WDFY1: variants seen among roughly 807,000 people sequenced by gnomAD.
WDFY1 encodes WD repeat and FYVE domain containing 1.
A neutral mutation model predicts 56.4 loss-of-function variants in WDFY1; 32 were observed. The ratio of observed to expected loss-of-function variants is 0.57; its 90% confidence interval spans 0.43 to 0.76. The LOEUF (loss-of-function observed/expected upper bound fraction) is 0.76, where lower values mean the gene tolerates loss of function less well. Ranked by LOEUF, WDFY1 falls within the 30% of genes least tolerant of loss-of-function variation. WDFY1 has a pLI of 0.00. For missense variants in WDFY1, 480 were observed against 545.7 expected (o/e 0.88, Z 1.20); for synonymous variants, 192 against 197.3 (o/e 0.97, Z 0.23).
intron 1 of WDFY1, among the ~76,000 whole-genome samples, chr2:223,943,695 C>T (rs1382042337): frequency 6.6e-6 from 1 of 152,218 alleles, no homozygotes; most frequent in Non-Finnish European, 1.5e-5. Context: ...AAGCTACTGA[C>T]ATTGTAAACC....
intron 1 of WDFY1, among the ~76,000 whole-genome samples, chr2:223,929,419 C>T (rs1051437006): frequency 2.0e-5 from 3 of 151,894 alleles, no homozygotes; most frequent in Non-Finnish European, 4.4e-5. Flanking sequence ...AACTCCTGAC[C>T]TCAGGTGATC....
intron 4 of WDFY1, among the ~76,000 whole-genome samples, chr2:223,904,642 C>CCT (rs1225775655): frequency 1.3e-5 from 2 of 152,170 alleles, no homozygotes; most frequent in African/African-American, 4.8e-5. Context: ...TATTATTAGA[C>CCT]CACATTTCAC....
chr2:223,883,350 G>A (rs563286601), intron 9 of WDFY1, among the ~76,000 whole-genome samples: 4 of 152,178 alleles, frequency 2.6e-5, no homozygotes, highest in Non-Finnish European at 4.4e-5. Context: ...TTCTTTTACC[G>A]CCAAAAGTTT....
Position 223,878,614 on chromosome 2 carries a change from G to C in WDFY1, c.*57C>G. The C allele has an allele frequency of 2.2e-6, 3 of 1,346,190 alleles. No homozygotes were observed. Among genetic ancestry groups the C allele is most frequent in the Non-Finnish European group, 3.2e-6 (3 of 939,034 alleles). 83.4% of individuals were successfully genotyped at this position (1,346,190 alleles called of 1,614,324 possible). On this transcript the variant is annotated 3_prime_UTR_variant, in exon 12 of 12. Transcript: ENST00000233055. ...GACAGCGCTGTGGAGCTGCGTGAGA[G>C]GGACTTCATTTGGTGGAGCTGCTGT...
At chr2:223,928,380 G>C (rs1368996186) in intron 1 of WDFY1, among the ~76,000 whole-genome samples, 1 of 152,150 alleles carries the variant, frequency 6.6e-6, no homozygotes, top group African/African-American at 2.4e-5. Context: ...GCTGATAAAG[G>C]ACAGGAGAAG....
At chr2:223,882,485 TG>T (rs1417426796) in intron 9 of WDFY1, among the ~76,000 whole-genome samples, 1 of 152,176 alleles carries the variant, frequency 6.6e-6, no homozygotes, top group South Asian at 2.1e-4. Flanking sequence ...TGCCTTGAAT[TG>T]CAATCACCCC....
At position 223,894,324 on chromosome 2, in the gene WDFY1, C is replaced by T. The variant is rs367982741; in HGVS notation, c.741G>A (p.Ser247=). Residue 247 remains serine (S), a synonymous_variant, in exon 8 of 12, where the codon TCG becomes TCA. Coordinates refer to ENST00000233055, the MANE Select transcript of WDFY1 (RefSeq NM_020830.5). ...GCCTGGTGAGCTGAAGGTAGCACAG[C>T]GACTGCACCTTGTCACTGCAAACAG... ...LLQGHHDKVQ[S]LCYLQLTRQL... is the part of the protein sequence containing the mutation. 1.4e-5 allele frequency: 22 copies of T among 1,614,178 alleles called. No individual in the cohort carries two copies. The highest frequency in any genetic ancestry group is 1.8e-5 in the Non-Finnish European group (21 of 1,180,012).
intron 2 of WDFY1, 99 bp from the exon 3 acceptor site, chr2:223,912,425 G>T: frequency 1.1e-6 from 1 of 919,438 alleles, no homozygotes; most frequent in Non-Finnish European, 1.5e-6. Flanking sequence ...ATATAATTTA[G>T]GTTCACAGAA....
chr2:223,933,785 C>A (rs1301200507), intron 1 of WDFY1, among the ~76,000 whole-genome samples: 2 of 111,732 alleles, frequency 1.8e-5, no homozygotes, highest in Non-Finnish European at 2.0e-5. Context: ...AGTGAGACCC[C>A]CCCCCATCTC....
intron 5 of WDFY1, 132 bp downstream of exon 5, chr2:223,901,051 G>T (rs1481510247): frequency 7.3e-6 from 8 of 1,099,774 alleles, no homozygotes; most frequent in Non-Finnish European, 9.7e-6. Context: ...AAAAAAAAAT[G>T]CAATTACTTT....
intron 1 of WDFY1, among the ~76,000 whole-genome samples, chr2:223,932,861 G>A (rs937781242): frequency 1.3e-4 from 14 of 110,492 alleles, no homozygotes; most frequent in Non-Finnish European, 2.1e-4. Context: ...ACCTCCAGGG[G>A]ATACAGGAAA....
intron 1 of WDFY1, among the ~76,000 whole-genome samples, chr2:223,925,872 TACA>T: frequency 6.6e-6 from 1 of 152,362 alleles, no homozygotes; most frequent in East Asian, 1.9e-4. Flanking sequence ...ATCATGAGAT[TACA>T]ACAATTCAGT....
chr2:223,905,965 A>G lies in WDFY1; in HGVS notation c.316T>C (p.Phe106Leu). ...TAATTACCTGGGTAGGTCTTGATAA[A>G]GTTCATTTTATTAAAATCTTCAGAA... is the stretch of plus-strand genomic sequence containing the variant. ...HVSEDFNKMNFIKTYPAHQNR... is the reference protein window; with the variant it reads ...HVSEDFNKMNLIKTYPAHQNR... The change falls in exon 4 of 12, where the codon TTT (phenylalanine) becomes CTT (leucine). Residue 106 changes from phenylalanine (F) to leucine (L), a missense_variant. Transcript: ENST00000233055. The G allele has an allele frequency of 1.3e-6, 2 of 1,580,088 alleles. No homozygotes were observed. The highest frequency in any genetic ancestry group is 1.7e-6 in the Non-Finnish European group (2 of 1,165,856).
intron 9 of WDFY1, among the ~76,000 whole-genome samples, chr2:223,883,831 A>T (rs1358658517): frequency 6.6e-6 from 1 of 152,002 alleles, no homozygotes; most frequent in Non-Finnish European, 1.5e-5. Flanking sequence ...TTTTTAGGAG[A>T]GACAGGGTTT....
At chr2:223,917,163 AT>A (rs1363682167) in intron 2 of WDFY1, among the ~76,000 whole-genome samples, 1 of 152,164 alleles carries the variant, frequency 6.6e-6, no homozygotes, top group African/African-American at 2.4e-5. Flanking sequence ...GTCCAGATTT[AT>A]TTATAGAACA....
intron 9 of WDFY1, among the ~76,000 whole-genome samples, chr2:223,883,790 C>T (rs1455101058): frequency 3.9e-5 from 6 of 152,086 alleles, no homozygotes; most frequent in East Asian, 1.9e-4. Context: ...GGATTACAGG[C>T]GTCCGCCACC....
chr2:223,926,256 C>T (rs1693976429), intron 1 of WDFY1, among the ~76,000 whole-genome samples: 1 of 152,122 alleles, frequency 6.6e-6, no homozygotes, highest in Non-Finnish European at 1.5e-5. Flanking sequence ...CAGGGATCCT[C>T]CCACCTCAGG....
chr2:223,936,553 T>C (rs1218170407), intron 1 of WDFY1, among the ~76,000 whole-genome samples: 2 of 152,082 alleles, frequency 1.3e-5, no homozygotes, highest in African/African-American at 4.8e-5. Flanking sequence ...GGACAAACAC[T>C]AGGGTAATTA....
At chr2:223,884,847 A>T in intron 8 of WDFY1, 98 bp from the exon 9 acceptor site, 43 of 897,736 alleles carry the variant, frequency 4.8e-5, no homozygotes, top group Non-Finnish European at 6.4e-5. Context: ...CAAGGTTAGT[A>T]TTTCTTTTCT....
Sources: allele counts gnomAD v4.1 joint callset (sites outside exome capture counted in the v4.1 genomes callset), GRCh38; gene constraint gnomAD v4.1.1; transcripts MANE v1.5; gene names NCBI Gene and HGNC (gene_info 2026-07-23, HGNC 2026-07-21).